Variants in SERPINF1 observed in about 807,000 individuals in gnomAD.
SERPINF1 encodes serpin family F member 1, also known as pigment epithelium-derived factor.
In SERPINF1, 29 loss-of-function variants were observed where a neutral mutation model predicts 37.3. The ratio of observed to expected loss-of-function variants is 0.78; its 90% CI spans 0.58 to 1.06. The LOEUF is 1.06. SERPINF1 is among the 50% of genes least tolerant of loss of function. The probability of loss-of-function intolerance (pLI) is 0.00; values close to 1 mark genes in which losing one functional copy is unlikely to be tolerated. For synonymous variants in SERPINF1, 281 were observed against 227.9 expected, an observed-to-expected ratio of 1.23 and a Z score of -2.10; for missense variants, 553 against 532.2, an observed-to-expected ratio of 1.04 and a Z score of -0.38.
rs182470717 is a variant in SERPINF1 at position 1,775,628 on chromosome 17, C to T, written c.786+428C>T. Among the ~76,000 whole-genome samples, 39 of 151,888 alleles carry T rather than the reference C, an allele frequency of 2.6e-4. 1 individual carries two copies. The highest frequency in any genetic ancestry group is 6.6e-4 in the Admixed American group (10 of 15,248). On this transcript the variant is annotated intron_variant, in intron 6 of 7. Transcript: ENST00000254722. Reference sequence around the variant, plus strand: ...CACGATCTCGGCTCACCACAACCTCCGCCCCGCTGGGTTAAAGCGATTCTC... The same window carrying T: ...CACGATCTCGGCTCACCACAACCTCTGCCCCGCTGGGTTAAAGCGATTCTC...
rs759460323 is a variant in SERPINF1 at position 1,777,204 on chromosome 17, G to A, written c.1015G>A (p.Asp339Asn). 30 of 1,613,978 alleles carry A rather than the reference G, an allele frequency of 1.9e-5. No homozygotes were observed. The highest frequency in any genetic ancestry group is 2.4e-5 in the Non-Finnish European group (28 of 1,180,022). Residue 339 changes from aspartate to asparagine, a missense_variant, in exon 8 of 8, where the codon GAT becomes AAT. Coordinates refer to ENST00000254722, the MANE Select transcript of SERPINF1 (RefSeq NM_002615.7). ...LQEMKLQSLF[D>N]SPDFSKITGK... is the part of the protein sequence containing the mutation. ...CTCTACAGAGCTGCAATCCTTGTTTGATTCACCAGACTTTAGCAAGATCAC... is the reference window on the plus strand; with the variant it reads ...CTCTACAGAGCTGCAATCCTTGTTTAATTCACCAGACTTTAGCAAGATCAC...
chr17:1,769,085 G>T (rs1324971372), intron 2 of SERPINF1, among the ~76,000 whole-genome samples: 1 of 152,000 alleles, frequency 6.6e-6, no homozygotes, highest in Non-Finnish European at 1.5e-5. Flanking sequence ...GGGATTATAG[G>T]TGTGAGCCAC....
At chr17:1,773,715 G>A (rs970119458) in intron 5 of SERPINF1, among the ~76,000 whole-genome samples, 2 of 152,122 alleles carry the variant, frequency 1.3e-5, no homozygotes, top group Non-Finnish European at 2.9e-5. Context: ...CTCTAGTTCT[G>A]TACCCAAGAC....
In SERPINF1 at chr17:1,772,056, C is replaced by T. The variant is rs758827216; in HGVS notation, c.624C>T (p.Leu208=). 39 of 1,613,458 alleles carry T rather than the reference C, an allele frequency of 2.4e-5. No homozygotes were observed. Among genetic ancestry groups the T allele is most frequent in the Middle Eastern group, 1.6e-4 (1 of 6,084 alleles). The change falls in exon 5 of 8, where the codon CTC becomes CTT. Residue 208 remains leucine (L), a synonymous_variant. Transcript: ENST00000254722. ...EIPDEISILL[L]GVAHFKGQWV... ...CCGATGAGATCAGCATTCTCCTTCT[C>T]GGTGTGGCGCACTTCAAGGGTGAGC...
chr17:1,767,565 C>T (rs1396126414), intron 2 of SERPINF1, among the ~76,000 whole-genome samples: 1 of 152,208 alleles, frequency 6.6e-6, no homozygotes, highest in Non-Finnish European at 1.5e-5. Flanking sequence ...TGACCTCTCT[C>T]CTGCCCAGAA....
chr17:1,777,477 A>T lies in SERPINF1; in HGVS notation c.*31A>T, dbSNP rs373498537. 9.3e-6 allele frequency: 15 copies of T among 1,613,726 alleles called. No individual in the cohort carries two copies. Among genetic ancestry groups the T allele is most frequent in the Middle Eastern group, 1.7e-4 (1 of 5,734 alleles). ...CAGTTTAATATTCCAATACCCTAGA[A>T]GAAAACCCGAGGGACAGCAGATTCC... On this transcript the variant is annotated 3_prime_UTR_variant, in exon 8 of 8. Coordinates refer to ENST00000254722, the MANE Select transcript of SERPINF1 (RefSeq NM_002615.7).
At chr17:1,764,616 T>C (rs2087760552) in intron 1 of SERPINF1, among the ~76,000 whole-genome samples, 1 of 152,212 alleles carries the variant, frequency 6.6e-6, no homozygotes, top group African/African-American at 2.4e-5. Context: ...GCAATCTTCT[T>C]TCATGCCTCA....
At chr17:1,769,408 C>CAA (rs36107647) in intron 2 of SERPINF1, among the ~76,000 whole-genome samples, 334 of 120,552 alleles carry the variant, frequency 2.8e-3, no homozygotes, top group Middle Eastern at 5.1e-3. Context: ...GACTCCGTCT[C>CAA]AAAAAAAAAA....
chr17:1,774,461 G>C (rs1473231854), intron 5 of SERPINF1, among the ~76,000 whole-genome samples: 1 of 152,096 alleles, frequency 6.6e-6, no homozygotes, highest in Non-Finnish European at 1.5e-5. Flanking sequence ...GCCTCCCAAA[G>C]TGCTGAGATT....
rs12603825 is a variant in SERPINF1, at chr17:1,770,111, G to A, written c.283+61G>A. 431,353 of 1,565,842 alleles carry A rather than the reference G, an allele frequency of 0.28. 60,585 individuals carry two copies. Among genetic ancestry groups the A allele is most frequent in the African/African-American group, 0.38 (27,741 of 73,702 alleles). On this transcript the variant is annotated intron_variant, in intron 3 of 7. Transcript: ENST00000254722. Reference sequence around the variant, plus strand: ...TGGAGAGGCCCCCTGTGGCCTCTGCGTAAACGTGGCTGAGTTTATTGACAT... The same window carrying A: ...TGGAGAGGCCCCCTGTGGCCTCTGCATAAACGTGGCTGAGTTTATTGACAT...
At chr17:1,777,080 A>G in intron 7 of SERPINF1, 107 bp from the exon 8 acceptor site, 1 of 1,572,354 alleles carries the variant, frequency 6.4e-7, no homozygotes, top group Non-Finnish European at 8.7e-7. Context: ...CAGGCCTCAG[A>G]GAAAGTCAAC....
intron 5 of SERPINF1, among the ~76,000 whole-genome samples, chr17:1,773,249 T>G (rs1233157112): frequency 1.3e-5 from 2 of 152,106 alleles, no homozygotes; most frequent in Non-Finnish European, 2.9e-5. Context: ...AGACAAGATT[T>G]ATTTATTTAT....
At chr17:1,774,983 C>T in intron 5 of SERPINF1, 75 bp from the exon 6 acceptor site, 1 of 1,599,074 alleles carries the variant, frequency 6.3e-7, no homozygotes. Context: ...CAACAACGTG[C>T]TCTGGGGACA....
intron 2 of SERPINF1, among the ~76,000 whole-genome samples, chr17:1,769,377 C>CT: frequency 6.6e-6 from 1 of 151,244 alleles, no homozygotes; most frequent in African/African-American, 2.4e-5. Flanking sequence ...CCACCGTACT[C>CT]CAGCCTGAGC....
chr17:1,766,874 C>T (rs753043133), intron 1 of SERPINF1, 29 bp from the exon 2 acceptor site: 38 of 1,542,848 alleles, frequency 2.5e-5, no homozygotes, highest in South Asian at 2.4e-4. Context: ...CGGGGGAGAG[C>T]GGCTTGCTGC....
chr17:1,768,814 T>C (rs1174044143), intron 2 of SERPINF1, among the ~76,000 whole-genome samples: 1 of 151,428 alleles, frequency 6.6e-6, no homozygotes, highest in South Asian at 2.1e-4. Context: ...TATTTACTTA[T>C]TTATTTTTTG....
rs1451799360 is a variant in SERPINF1 at position 1,776,806 on chromosome 17, C to A, written c.997+64C>A. 7.4e-6 allele frequency: 11 copies of A among 1,480,172 alleles called. No individual in the cohort carries two copies. The East Asian group carries it at 2.5e-4, about 33-fold the overall frequency. The allele number at this position is 1,480,172 out of a possible 1,614,324, so 91.7% of individuals were successfully genotyped here. On this transcript the variant is annotated intron_variant, in intron 7 of 7. Transcript: ENST00000254722. ...GGGTGGGGCAGGGTCTTTGGGCCTT[C>A]CACTGTGCTAAGCAGAACGCAAGGG... is the stretch of plus-strand genomic sequence containing the variant.
chr17:1,766,602 G>T, intron 1 of SERPINF1: 1 of 132,076 alleles, frequency 7.6e-6, no homozygotes, highest in Non-Finnish European at 1.4e-5. Context: ...ATAAATAAAA[G>T]CTTTAGGCTT....
chr17:1,770,416 C>A, intron 3 of SERPINF1: 2 of 368,370 alleles, frequency 5.4e-6, no homozygotes, highest in East Asian at 5.8e-5. Context: ...CAGCTGGGTT[C>A]ACAGGGGAAC....
Sources: gnomAD v4.1 joint callset for allele counts (sites outside exome capture counted in the v4.1 genomes callset) on GRCh38, gnomAD v4.1.1 for gene constraint, MANE v1.5 for transcripts, NCBI Gene and HGNC (gene_info 2026-07-23, HGNC 2026-07-21) for gene names.